The following SEMA3A variants were observed in gnomAD, a reference collection of about 807,000 sequenced individuals.
SEMA3A encodes the protein semaphorin 3A.
Under a neutral mutation model 97.9 loss-of-function variants are expected in SEMA3A, and 29 were observed. That is an observed-to-expected ratio of 0.30 (90% CI 0.22 to 0.40). SEMA3A has a LOEUF of 0.40. Ranked by LOEUF, SEMA3A falls within the 10% of genes least tolerant of loss-of-function variation. SEMA3A has a pLI of 1.00. For missense variants in SEMA3A, 763 were observed against 951.3 expected (o/e 0.80, Z 2.60); for synonymous variants, 321 against 323.7 (o/e 0.99, Z 0.09).
intron 2 of SEMA3A, among the ~76,000 whole-genome samples, chr7:84,326,124 C>T (rs1208577555): frequency 2.0e-5 from 3 of 152,022 alleles, no homozygotes; most frequent in African/African-American, 4.8e-5. Context: ...TGTGATCTGG[C>T]GTACTTCAAA....
chr7:84,236,587 G>A (rs928540049), intron 3 of SEMA3A, among the ~76,000 whole-genome samples: 2 of 151,866 alleles, frequency 1.3e-5, no homozygotes, highest in Non-Finnish European at 2.9e-5. Flanking sequence ...TCTTTATCTC[G>A]CAAATACTCT....
At chr7:84,190,940 T>C (rs891282729) in intron 1 of SEMA3A, among the ~76,000 whole-genome samples, 16 of 130,050 alleles carry the variant, frequency 1.2e-4, no homozygotes, top group African/African-American at 4.8e-4. Flanking sequence ...TACCTATGTG[T>C]ACACATAAAT....
chr7:84,309,697 G>A (rs1035223070), intron 2 of SEMA3A, among the ~76,000 whole-genome samples: 3 of 152,144 alleles, frequency 2.0e-5, no homozygotes, highest in East Asian at 1.9e-4. Flanking sequence ...CCTAGTATTC[G>A]TTTGCTTGGG....
chr7:84,382,653 T>G (rs1315652937), intron 1 of SEMA3A, among the ~76,000 whole-genome samples: 1 of 135,396 alleles, frequency 7.4e-6, no homozygotes. Flanking sequence ...GGTCAGGAGA[T>G]CGAGACCCTC....
chr7:84,396,101 G>C (rs1803724562), intron 1 of SEMA3A, among the ~76,000 whole-genome samples: 1 of 151,954 alleles, frequency 6.6e-6, no homozygotes, highest in South Asian at 2.1e-4. Context: ...ATTAAGGAAG[G>C]CTGAATTAAG....
chr7:84,162,660 T>A lies in SEMA3A; in HGVS notation c.113-27709A>T, dbSNP rs1293889179. Reference sequence around the variant, plus strand: ...ACAAGTAGCAGCTCAACTCCCTTTATTGTACAATGTTGAACAGGCTGGGAA... The same window carrying A: ...ACAAGTAGCAGCTCAACTCCCTTTAATGTACAATGTTGAACAGGCTGGGAA... On this transcript the variant is annotated intron_variant, in intron 1 of 16. Coordinates refer to ENST00000265362, the MANE Select transcript of SEMA3A (RefSeq NM_006080.3). Among the ~76,000 whole-genome samples the A allele has an allele frequency of 2.0e-5, 3 of 152,164 alleles. No homozygotes were observed. The South Asian group carries it at 6.2e-4, about 32-fold the overall frequency.
intron 7 of SEMA3A, among the ~76,000 whole-genome samples, chr7:84,012,211 G>GAGTAGATTTT (rs1227893188): frequency 6.6e-6 from 1 of 152,116 alleles, no homozygotes; most frequent in African/African-American, 2.4e-5. Context: ...ATTGTGAAAA[G>GAGTAGATTTT]AGTAGATTTT....
At chr7:84,109,319 A>C (rs947324814) in intron 4 of SEMA3A, among the ~76,000 whole-genome samples, 1 of 152,198 alleles carries the variant, frequency 6.6e-6, no homozygotes, top group African/African-American at 2.4e-5. Context: ...AATACTATAC[A>C]TATGGACTTA....
chr7:83,974,174 A>G (rs2116295221), intron 15 of SEMA3A, among the ~76,000 whole-genome samples: 1 of 152,068 alleles, frequency 6.6e-6, no homozygotes, highest in South Asian at 2.1e-4. Context: ...TGATACTAAA[A>G]TCTCCCCTAG....
intron 2 of SEMA3A, among the ~76,000 whole-genome samples, chr7:84,331,802 G>A (rs1463847610): frequency 2.0e-5 from 3 of 152,094 alleles, no homozygotes; most frequent in East Asian, 1.9e-4. Flanking sequence ...GCATGCGTGC[G>A]TGCATGCTCC....
chr7:83,979,697 G>A (rs919291513), intron 14 of SEMA3A, among the ~76,000 whole-genome samples: 6 of 152,190 alleles, frequency 3.9e-5, no homozygotes, highest in African/African-American at 1.4e-4. Context: ...TTTAATAATT[G>A]TATTTCTTAT....
At chr7:84,262,503 C>T (rs1799882622) in intron 3 of SEMA3A, among the ~76,000 whole-genome samples, 1 of 152,170 alleles carries the variant, frequency 6.6e-6, no homozygotes, top group Non-Finnish European at 1.5e-5. Flanking sequence ...TGTAAGCCAC[C>T]ATGCCTGGCC....
chr7:84,229,276 A>T (rs1799062273), intron 3 of SEMA3A, among the ~76,000 whole-genome samples: 1 of 152,184 alleles, frequency 6.6e-6, no homozygotes, highest in Non-Finnish European at 1.5e-5. Context: ...ACAATTAAAA[A>T]GCATTTTTAA....
intron 3 of SEMA3A, among the ~76,000 whole-genome samples, chr7:84,259,349 A>G (rs945849095): frequency 5.9e-5 from 9 of 152,124 alleles, no homozygotes. Flanking sequence ...AGAGACGAGT[A>G]TGTTTTTTAC....
chr7:83,977,895 C>A (rs1210363536), intron 14 of SEMA3A, among the ~76,000 whole-genome samples: 1 of 151,376 alleles, frequency 6.6e-6, no homozygotes, highest in Non-Finnish European at 1.5e-5. Flanking sequence ...GCTCCGCCTC[C>A]CGGGTTCATG....
chr7:84,353,135 T>G (rs2116032571), intron 2 of SEMA3A, among the ~76,000 whole-genome samples: 1 of 151,932 alleles, frequency 6.6e-6, no homozygotes, highest in South Asian at 2.1e-4. Flanking sequence ...ATGTAAATGT[T>G]ATGTAAATAG....
intron 1 of SEMA3A, among the ~76,000 whole-genome samples, chr7:84,166,747 C>T (rs867360174): frequency 3.7e-4 from 55 of 148,982 alleles, no homozygotes; most frequent in Admixed American, 9.4e-4. Flanking sequence ...CGGTGGCAGG[C>T]ACCTGTAATC....
intron 2 of SEMA3A, among the ~76,000 whole-genome samples, chr7:84,356,587 G>A (rs569768846): frequency 6.6e-5 from 10 of 151,654 alleles, no homozygotes; most frequent in South Asian, 4.2e-4. Context: ...AAGTAAAACC[G>A]AATCATTATG....
At chr7:84,457,313 T>C (rs1349071417) in intron 1 of SEMA3A, among the ~76,000 whole-genome samples, 1 of 151,902 alleles carries the variant, frequency 6.6e-6, no homozygotes, top group African/African-American at 2.4e-5. Context: ...ATTTCAGTTT[T>C]GCAGCTCCTG....
Sources: gnomAD v4.1 joint callset for allele counts (sites outside exome capture counted in the v4.1 genomes callset) on GRCh38, gnomAD v4.1.1 for gene constraint, MANE v1.5 for transcripts, NCBI Gene and HGNC (gene_info 2026-07-23, HGNC 2026-07-21) for gene names.